SYNE3: variants seen among roughly 807,000 people sequenced by gnomAD.
SYNE3 encodes the protein spectrin repeat containing nuclear envelope family member 3, also known as nesprin-3.
SYNE3 carries 100 observed loss-of-function variants against 111.2 expected under a neutral mutation model. The observed-to-expected ratio is 0.90, with a 90% CI of 0.77 to 1.06. The LOEUF (loss-of-function observed/expected upper bound fraction) is 1.06, where lower values mean the gene tolerates loss of function less well. SYNE3 is among the 50% of genes least tolerant of loss of function. SYNE3 has a pLI of 0.00. For synonymous variants in SYNE3, 547 were observed against 533.9 expected (o/e 1.02, Z -0.34); for missense variants, 1,160 against 1,240.3 (o/e 0.94, Z 0.97).
chr14:95,513,190 G>T (rs771176581), intron 1 of SYNE3, among the ~76,000 whole-genome samples: 39 of 152,078 alleles, frequency 2.6e-4, no homozygotes, highest in South Asian at 1.0e-3. Flanking sequence ...TCCTCAGCAC[G>T]CGTGGTAATG....
chr14:95,440,123 G>C, intron 11 of SYNE3, 48 bp from the exon 12 acceptor site: 1 of 1,543,382 alleles, frequency 6.5e-7, no homozygotes, highest in South Asian at 1.2e-5. Context: ...GCTGGCCGAG[G>C]GGGAGACCCC....
chr14:95,446,050 C>G lies in SYNE3; in HGVS notation c.1491G>C (p.Thr497=). The change falls in exon 9 of 18, where the codon ACG becomes ACC. Residue 497 remains threonine (T), a synonymous_variant. Transcript: ENST00000682763. ...MESSRLKELL[T]MLQLKKDLLI... is the part of the protein sequence containing the mutation. ...GGAGGTCTTTCTTCAGCTGCAGCAT[C>G]GTCAGCAGCTCTTTCAGGCGGGAGC... 1 of 1,614,138 alleles carries G rather than the reference C, an allele frequency of 6.2e-7. No homozygotes were observed. The highest frequency in any genetic ancestry group is 1.1e-5 in the South Asian group (1 of 91,078).
Position 95,457,205 on chromosome 14 carries a change from G to T in SYNE3, c.761C>A (p.Pro254His), listed in dbSNP as rs747528522. Residue 254 changes from proline (P) to histidine (H), a missense_variant, in exon 5 of 18, where the codon CCC becomes CAC. Pro to His is a moderately conservative substitution (Grantham distance 77, BLOSUM62 -2). Coordinates refer to ENST00000682763, the MANE Select transcript of SYNE3 (RefSeq NM_152592.6). ...CAGTGTGGAGAGGCGCTGCGTGATG[G>T]GCAGCTTGCAGTTCCGCCCCAGGCA... ...NGCLGRNCKL[P>H]ITQRLSTLQD... The T allele has an allele frequency of 5.6e-6, 9 of 1,613,874 alleles. No homozygotes were observed. The African/African-American group carries it at 8.0e-5, about 14-fold the overall frequency.
intron 4 of SYNE3, among the ~76,000 whole-genome samples, chr14:95,461,137 G>T (rs769912259): frequency 2.0e-5 from 3 of 152,246 alleles, no homozygotes. Flanking sequence ...ACCATCTGCG[G>T]CGGGCAGAGC....
chr14:95,439,995 G>T lies in SYNE3; in HGVS notation c.1992C>A (p.Ile664=), dbSNP rs116428445. ...SHQLLELRQW[I]VVTTQKLEAH... ...CCTCCAGCTTTTGCGTGGTCACAACGATCCACTGCCGCAGCTCCAGCAGCT... is the reference window on the plus strand; with the variant it reads ...CCTCCAGCTTTTGCGTGGTCACAACTATCCACTGCCGCAGCTCCAGCAGCT... The change falls in exon 12 of 18, where the codon ATC becomes ATA. Residue 664 remains isoleucine, a synonymous_variant. Coordinates refer to ENST00000682763, the MANE Select transcript of SYNE3 (RefSeq NM_152592.6). The T allele has an allele frequency of 8.3e-4, 1,338 of 1,613,454 alleles. 12 individuals are homozygous for T. The African/African-American group carries it at 0.016, about 19-fold the overall frequency.
Position 95,499,856 on chromosome 14 carries a change from C to CT in SYNE3, c.-15+16739dup, listed in dbSNP as rs10547044. Among the ~76,000 whole-genome samples the CT allele has an allele frequency of 9.7e-3, 872 of 90,032 alleles. 47 individuals carry two copies. The highest frequency in any genetic ancestry group is 0.013 in the Non-Finnish European group (630 of 50,174). The allele number at this position is 90,032 out of a possible 152,430, so 59.1% of individuals were successfully genotyped here. A position where few individuals can be genotyped will look rare whatever the true frequency, so the allele number is the denominator to read the frequency against. On this transcript the variant is annotated intron_variant, in intron 1 of 17. Transcript: ENST00000682763. ...AATCCCCTGTATCACTAACTCTTGTCTTTTTTTTTTTTTTTTTTTTGAGAT... is the reference window on the plus strand; with the variant it reads ...AATCCCCTGTATCACTAACTCTTGTCTTTTTTTTTTTTTTTTTTTTTGAGAT...
rs142217413 is a variant in SYNE3, at chr14:95,408,983, G to A, written c.*8843C>T. 2.8e-4 allele frequency: 102 copies of A among 369,046 alleles called. No individual in the cohort carries two copies. The highest frequency in any genetic ancestry group is 2.0e-3 in the African/African-American group (93 of 47,406). The allele number at this position is 369,046 out of a possible 1,614,324, so 22.9% of individuals were successfully genotyped here. On this transcript the variant is annotated 3_prime_UTR_variant, in exon 18 of 18. Coordinates refer to ENST00000682763, the MANE Select transcript of SYNE3 (RefSeq NM_152592.6). ...CCTGGTGTTGCCAGCTCCCTTCAGCGGTGGGAGTCAACGGACTTCCCCGCA... is the reference window on the plus strand; with the variant it reads ...CCTGGTGTTGCCAGCTCCCTTCAGCAGTGGGAGTCAACGGACTTCCCCGCA...
At position 95,432,098 on chromosome 14, in the gene SYNE3, T is replaced by C. The variant is rs751585432; in HGVS notation, c.2708A>G (p.Glu903Gly). The C allele has an allele frequency of 1.9e-6, 3 of 1,612,424 alleles. No individual in the cohort carries two copies. Among genetic ancestry groups the C allele is most frequent in the South Asian group, 1.1e-5 (1 of 90,576 alleles). Residue 903 changes from glutamate to glycine, a missense_variant, in exon 17 of 18, where the codon GAG (glutamate) becomes GGG (glycine). Physicochemically the swap from Glu to Gly is moderately conservative, Grantham distance 98. Coordinates refer to ENST00000682763, the MANE Select transcript of SYNE3 (RefSeq NM_152592.6). ...CTGTACCTTTTGGAATCCAGTCGGC[T>C]CCCCTGGAGAACTTTGTGTCTGTTA... ...GHLLTQSSPGEPTGFQKTRRW... is the reference protein window; with the variant it reads ...GHLLTQSSPGGPTGFQKTRRW...
intron 15 of SYNE3, among the ~76,000 whole-genome samples, chr14:95,435,481 C>T (rs1458643035): frequency 1.3e-5 from 2 of 151,858 alleles, no homozygotes; most frequent in African/African-American, 2.4e-5. Flanking sequence ...ACATAAAGCA[C>T]ACAGTGAGAA....
Position 95,440,057 on chromosome 14 carries a change from G to C in SYNE3, c.1930C>G (p.Arg644Gly). ...GTGCAGTGCTCCTGCACACTCTGCC[G>C]ACACCTGTCCACAAGGTCCTGCAGC... ...RSLEDLVDRC[R>G]QSVQEHCTFS... Residue 644 changes from arginine (R) to glycine (G), a missense_variant, in exon 12 of 18, where the codon CGG becomes GGG. Arg to Gly is a moderately radical substitution (Grantham distance 125). Transcript: ENST00000682763. 6.2e-7 allele frequency: 1 copy of C among 1,605,340 alleles called. No individual in the cohort carries two copies. The highest frequency in any genetic ancestry group is 8.5e-7 in the Non-Finnish European group (1 of 1,179,442).
intron 17 of SYNE3, among the ~76,000 whole-genome samples, chr14:95,426,308 C>T (rs1051194716): frequency 2.2e-4 from 33 of 152,190 alleles, no homozygotes; most frequent in African/African-American, 7.7e-4. Context: ...AGGTCAGAGA[C>T]TGCATGGCCC....
rs1886167295 is a variant in SYNE3, at chr14:95,437,643, C to T, written c.2377-662G>A. On this transcript the variant is annotated intron_variant, in intron 14 of 17. Transcript: ENST00000682763. ...GCTCCCATAGCCTCTGGCCTGTCTG[C>T]CAAGGTGCACCATGTTTTTTTTGTT... is the stretch of plus-strand genomic sequence containing the variant. 2.0e-5 allele frequency among the ~76,000 whole-genome samples: 3 copies of T among 150,620 alleles called. No individual in the cohort carries two copies. In the South Asian group the frequency reaches 6.3e-4, roughly 31 times the overall value.
intron 2 of SYNE3, among the ~76,000 whole-genome samples, chr14:95,469,259 TC>T (rs1888377324): frequency 6.6e-6 from 1 of 151,994 alleles, no homozygotes; most frequent in Admixed American, 6.6e-5. Flanking sequence ...GAAGGAGAGC[TC>T]CTGCCATGTG....
chr14:95,444,467 G>A lies in SYNE3; in HGVS notation c.1776+18C>T. The A allele has an allele frequency of 6.3e-7, 1 of 1,594,396 alleles. No homozygotes were observed. On this transcript the variant is annotated intron_variant, in intron 10 of 17. Coordinates refer to ENST00000682763, the MANE Select transcript of SYNE3 (RefSeq NM_152592.6). ...GAGCACCTGGGCAGGAGTGATTCAG[G>A]CCTCACAGACCCCTCACCTGCAACC...
intron 1 of SYNE3, among the ~76,000 whole-genome samples, chr14:95,481,379 G>A (rs370171508): frequency 3.4e-4 from 51 of 152,196 alleles, no homozygotes; most frequent in African/African-American, 1.2e-3. Context: ...TGAACCAGGA[G>A]GGTGTAATGA....
intron 17 of SYNE3, among the ~76,000 whole-genome samples, chr14:95,430,291 C>T (rs1223187927): frequency 1.3e-5 from 2 of 152,106 alleles, no homozygotes; most frequent in African/African-American, 4.8e-5. Context: ...GAGCTAGAGT[C>T]GGTCTGGACA....
rs1437528162 is a variant in SYNE3, at chr14:95,415,698, A to C, written c.*2128T>G. ...CTACAGCTTATCATAAAGCTATTCA[A>C]AAAAAAAAAAAAATGGCCAGGCATG... On this transcript the variant is annotated 3_prime_UTR_variant, in exon 18 of 18. Coordinates refer to ENST00000682763, the MANE Select transcript of SYNE3 (RefSeq NM_152592.6). 3.7e-5 allele frequency: 1 copy of C among 27,088 alleles called. No homozygotes were observed. Among genetic ancestry groups the C allele is most frequent in the Non-Finnish European group, 1.9e-4 (1 of 5,394 alleles). The allele number at this position is 27,088 out of a possible 1,614,324, so 1.7% of individuals were successfully genotyped here.
chr14:95,498,429 GGC>G (rs1890190393), intron 1 of SYNE3, among the ~76,000 whole-genome samples: 1 of 152,176 alleles, frequency 6.6e-6, no homozygotes, highest in Non-Finnish European at 1.5e-5. Flanking sequence ...ATGTTGGCCA[GGC>G]TGGTCTCGAA....
chr14:95,482,484 G>A (rs1408329487), intron 1 of SYNE3, among the ~76,000 whole-genome samples: 1 of 152,128 alleles, frequency 6.6e-6, no homozygotes. Context: ...ACTAATTCTT[G>A]TCATTCAGTG....
Sources: gnomAD v4.1 joint callset for allele counts (sites outside exome capture counted in the v4.1 genomes callset) on GRCh38, gnomAD v4.1.1 for gene constraint, MANE v1.5 for transcripts, NCBI Gene and HGNC (gene_info 2026-07-23, HGNC 2026-07-21) for gene names.